NUSAP1: variants seen among roughly 807,000 people sequenced by gnomAD.
NUSAP1 encodes the protein nucleolar and spindle associated protein 1.
Under a neutral mutation model 52.8 loss-of-function variants are expected in NUSAP1, and 32 were observed. The observed-to-expected ratio is 0.61, with a 90% CI of 0.46 to 0.81. The LOEUF (loss-of-function observed/expected upper bound fraction) is 0.81, where lower values mean the gene tolerates loss of function less well. Among genes scored for constraint, NUSAP1 ranks in the 40% least tolerant of loss-of-function variants. The pLI is 0.00. For synonymous variants in NUSAP1, 195 were observed against 183.1 expected (o/e 1.06, Z -0.52); for missense variants, 499 against 522.3 (o/e 0.96, Z 0.43).
intron 7 of NUSAP1, among the ~76,000 whole-genome samples, chr15:41,371,307 C>T (rs1450018915): frequency 2.6e-5 from 4 of 152,134 alleles, no homozygotes; most frequent in Non-Finnish European, 4.4e-5. Context: ...GCAGAAAAGA[C>T]AAGAACATAT....
At chr15:41,368,822 T>C (rs1035639495) in intron 7 of NUSAP1, among the ~76,000 whole-genome samples, 1 of 143,588 alleles carries the variant, frequency 7.0e-6, no homozygotes. Flanking sequence ...GACCTCCATC[T>C]CCTGGGTTCA....
At chr15:41,336,648 G>GTTTTTTTTTGTTTTT (rs1939843643) in intron 1 of NUSAP1, among the ~76,000 whole-genome samples, 16 of 91,352 alleles carry the variant, frequency 1.8e-4, no homozygotes, top group African/African-American at 6.4e-4. Flanking sequence ...CCTCCTTTTG[G>GTTTTTTTTTGTTTTT]TTTTTTTTTT....
intron 6 of NUSAP1, among the ~76,000 whole-genome samples, chr15:41,362,033 G>T (rs2049197186): frequency 6.6e-6 from 1 of 151,980 alleles, no homozygotes; most frequent in Non-Finnish European, 1.5e-5. Flanking sequence ...GTTTGATCTA[G>T]TTGTCAAATG....
At chr15:41,339,608 C>G (rs1208622941) in intron 1 of NUSAP1, among the ~76,000 whole-genome samples, 1 of 151,678 alleles carries the variant, frequency 6.6e-6, no homozygotes, top group Non-Finnish European at 1.5e-5. Context: ...CAGGGTTTCT[C>G]CATATTGTTC....
chr15:41,344,650 CA>C (rs889683547), intron 2 of NUSAP1, among the ~76,000 whole-genome samples: 20 of 151,638 alleles, frequency 1.3e-4, no homozygotes, highest in Admixed American at 8.5e-4. Context: ...AAAAAAATGA[CA>C]AAAACCAGGC....
chr15:41,369,297 T>C (rs2049559001), intron 7 of NUSAP1, among the ~76,000 whole-genome samples: 1 of 152,164 alleles, frequency 6.6e-6, no homozygotes, highest in South Asian at 2.1e-4. Flanking sequence ...TAGAATTCTA[T>C]TTATTGAATT....
At chr15:41,346,371 G>A (rs926647747) in intron 2 of NUSAP1, among the ~76,000 whole-genome samples, 2 of 151,830 alleles carry the variant, frequency 1.3e-5, no homozygotes, top group African/African-American at 2.4e-5. Flanking sequence ...GAGTGCAGTG[G>A]CATAATCATG....
At chr15:41,342,525 C>A (rs2140545249) in intron 2 of NUSAP1, 71 bp downstream of exon 2, 2 of 1,102,220 alleles carry the variant, frequency 1.8e-6, no homozygotes, top group East Asian at 2.6e-5. Context: ...GCAATTAACA[C>A]ACAACTAGTG....
In NUSAP1 at chr15:41,339,304, T is replaced by C. The variant is rs368318858; in HGVS notation, c.94-3082T>C. 5.9e-5 allele frequency among the ~76,000 whole-genome samples: 9 copies of C among 152,244 alleles called. No homozygotes were observed. In the East Asian group the frequency reaches 1.2e-3, roughly 20 times the overall value. On this transcript the variant is annotated intron_variant, in intron 1 of 10. Transcript: ENST00000559596. ...TGTCTGGAACTTATTTTCAAATTCT[T>C]TCACAAGAATTATATATTAATATAG...
chr15:41,370,749 CAAAA>C (rs60034914), intron 7 of NUSAP1, among the ~76,000 whole-genome samples: 1 of 70,788 alleles, frequency 1.4e-5, no homozygotes, highest in Admixed American at 1.7e-4. Flanking sequence ...AACTCCATCT[CAAAA>C]AAAAAAAAAA....
chr15:41,366,195 A>G (rs959748315), intron 7 of NUSAP1, among the ~76,000 whole-genome samples: 11 of 147,322 alleles, frequency 7.5e-5, no homozygotes, highest in African/African-American at 2.8e-4. Flanking sequence ...CTGGTTTTGA[A>G]CTCTTGGGCT....
chr15:41,335,654 TATATAAATATACTAA>T lies in NUSAP1; in HGVS notation c.93+2625_93+2639del, dbSNP rs1005906452. 1.2e-3 allele frequency among the ~76,000 whole-genome samples: 169 copies of T among 140,242 alleles called. 2 individuals carry two copies. The South Asian group carries it at 0.019, about 16-fold the overall frequency. The allele number at this position is 140,242 out of a possible 152,430, so 92.0% of individuals were successfully genotyped here. A position where few individuals can be genotyped will look rare whatever the true frequency, so the allele number is the denominator to read the frequency against. On this transcript the variant is annotated intron_variant, in intron 1 of 10. Coordinates refer to ENST00000559596, the MANE Select transcript of NUSAP1 (RefSeq NM_016359.5). ...ATATACTATATATAAATATATTAAATATATAAATATACTAAATATAAATATACTAAATATAGTATG... is the reference window on the plus strand; with the variant it reads ...ATATACTATATATAAATATATTAAATATATAAATATACTAAATATAGTATG...
At chr15:41,335,881 G>A (rs1341634324) in intron 1 of NUSAP1, among the ~76,000 whole-genome samples, 2 of 148,624 alleles carry the variant, frequency 1.3e-5, no homozygotes, top group Non-Finnish European at 3.0e-5. Context: ...ATGTATACTA[G>A]TATATTTGTA....
At chr15:41,351,315 A>G (rs907911765) in intron 4 of NUSAP1, among the ~76,000 whole-genome samples, 186 bp downstream of exon 4, 1 of 152,174 alleles carries the variant, frequency 6.6e-6, no homozygotes, top group Non-Finnish European at 1.5e-5. Flanking sequence ...CAGCAGGACC[A>G]TGCTTCTCTG....
At chr15:41,364,158 A>G (rs1014470866) in intron 6 of NUSAP1, among the ~76,000 whole-genome samples, 1 of 152,158 alleles carries the variant, frequency 6.6e-6, no homozygotes, top group Non-Finnish European at 1.5e-5. Context: ...TAAACTGTAT[A>G]TAACGTCTCA....
chr15:41,352,844 A>G (rs2048828331), intron 4 of NUSAP1, among the ~76,000 whole-genome samples: 1 of 152,096 alleles, frequency 6.6e-6, no homozygotes, highest in Non-Finnish European at 1.5e-5. Context: ...GGTGTGAGTC[A>G]CCATGCCCAG....
chr15:41,334,142 G>C (rs548009449), intron 1 of NUSAP1, among the ~76,000 whole-genome samples: 91 of 152,040 alleles, frequency 6.0e-4, no homozygotes, highest in African/African-American at 2.1e-3. Flanking sequence ...TCTTTGAGAC[G>C]GAGTCTTGCT....
rs2049903596 is a variant in NUSAP1, at chr15:41,375,716, T to C, written c.1011T>C (p.Ile337=). Residue 337 remains isoleucine, a synonymous_variant, in exon 9 of 11, where the codon ATT becomes ATC. Transcript: ENST00000559596. Reference sequence around the variant, plus strand: ...GTTTTTTCGGTGTGTTTTTAGTTATTACCCCATTCAAGTTGACAACTGAGG... The same window carrying C: ...GTTTTTTCGGTGTGTTTTTAGTTATCACCCCATTCAAGTTGACAACTGAGG... ...KTITGNSAAV[I]TPFKLTTEAT... The C allele has an allele frequency of 1.9e-6, 3 of 1,604,268 alleles. No individual in the cohort carries two copies. The highest frequency in any genetic ancestry group is 2.7e-5 in the African/African-American group (2 of 74,864).
intron 3 of NUSAP1, among the ~76,000 whole-genome samples, chr15:41,350,276 C>A (rs1157133071): frequency 6.6e-6 from 1 of 152,108 alleles, no homozygotes; most frequent in Non-Finnish European, 1.5e-5. Context: ...ATTAATCATA[C>A]AGTAACAGGT....
Sources: allele counts gnomAD v4.1 joint callset (sites outside exome capture counted in the v4.1 genomes callset), GRCh38; gene constraint gnomAD v4.1.1; transcripts MANE v1.5; gene names NCBI Gene and HGNC (gene_info 2026-07-23, HGNC 2026-07-21).